Variants in SLITRK5 observed in about 807,000 individuals in gnomAD.
The protein encoded by SLITRK5 is SLIT and NTRK like family member 5, also known as SLIT and NTRK-like protein 5.
A neutral mutation model predicts 56.2 loss-of-function variants in SLITRK5; 23 were observed. The observed-to-expected ratio is 0.41, with a 90% CI of 0.29 to 0.58. The LOEUF (loss-of-function observed/expected upper bound fraction) is 0.58, where lower values mean the gene tolerates loss of function less well. Ranked by LOEUF, SLITRK5 falls within the 20% of genes least tolerant of loss-of-function variation. The pLI is 0.30. For missense variants in SLITRK5, 1,289 were observed against 1,226.6 expected (o/e 1.05, Z -0.76); for synonymous variants, 637 against 531.8 (o/e 1.20, Z -2.72).
In SLITRK5 at chr13:87,676,066, A is replaced by G; in HGVS notation, c.678A>G (p.Lys226=). ...TGGGGCTCTTGCAGCACATGGATAAAGTTGTGGAGCTACAGCTGGAGGAAA... is the reference window on the plus strand; with the variant it reads ...TGGGGCTCTTGCAGCACATGGATAAGGTTGTGGAGCTACAGCTGGAGGAAA... The part of the protein sequence containing the change: ...PYVGLLQHMD[K]VVELQLEENP... Residue 226 remains lysine (K), a synonymous_variant, in exon 2 of 2, where the codon AAA becomes AAG. Coordinates refer to ENST00000683689, the MANE Select transcript of SLITRK5 (RefSeq NM_001384609.1). 6.2e-7 allele frequency: 1 copy of G among 1,614,110 alleles called. No homozygotes were observed. The highest frequency in any genetic ancestry group is 1.1e-5 in the South Asian group (1 of 91,080).
In SLITRK5 at chr13:87,677,652, C is replaced by A. The variant is rs1475243616; in HGVS notation, c.2264C>A (p.Pro755Gln). The stretch of plus-strand genomic sequence containing the variant: ...CACGTGTATGAATACATCCCCCACC[C>A]ACTGGGCCACATGTGCAAAAACCCC... ...AGHVYEYIPH[P>Q]LGHMCKNPIY... The change falls in exon 2 of 2, where the codon CCA (proline) becomes CAA (glutamine). Residue 755 changes from proline to glutamine, a missense_variant. This residue lies in a region of SLITRK5 where 985 missense variants were observed against 906.0 expected (regional missense o/e 1.09). Coordinates refer to ENST00000683689, the MANE Select transcript of SLITRK5 (RefSeq NM_001384609.1). The surrounding 1 kb of genome is among the most constrained non-coding windows in gnomAD (Gnocchi z 4.7). 6.2e-7 allele frequency: 1 copy of A among 1,607,732 alleles called. No individual in the cohort carries two copies. The highest frequency in any genetic ancestry group is 2.2e-5 in the East Asian group (1 of 44,608).
chr13:87,673,427 T>G (rs1877129343), intron 1 of SLITRK5: 1 of 502,394 alleles, frequency 2.0e-6, no homozygotes, highest in Non-Finnish European at 3.5e-6. Context: ...CGCTGGAGTT[T>G]AATACTGGCT....
chr13:87,672,918 G>A (rs1241432759), intron 1 of SLITRK5: 2 of 153,270 alleles, frequency 1.3e-5, no homozygotes, highest in Admixed American at 6.2e-5. Context: ...TCTATGTGGC[G>A]GGGTGGTTTT....
In SLITRK5 at chr13:87,678,004, T is replaced by C. The variant is rs976404158; in HGVS notation, c.2616T>C (p.Asn872=). 5 of 1,613,942 alleles carry C rather than the reference T, an allele frequency of 3.1e-6. No homozygotes were observed. Among genetic ancestry groups the C allele is most frequent in the South Asian group, 1.1e-5 (1 of 91,086 alleles). Residue 872 remains asparagine, a synonymous_variant, in exon 2 of 2, where the codon AAT becomes AAC. Transcript: ENST00000683689. ...ACTGCTCCACCACCCCCGCCGGCAA[T>C]AGCCTCCCGGAATATCCCAAATTCC... is the stretch of plus-strand genomic sequence containing the variant. ...DKHCSTTPAG[N]SLPEYPKFPC...
At chr13:87,674,021 C>CACACAA (rs1361611274) in intron 1 of SLITRK5, among the ~76,000 whole-genome samples, 3 of 151,910 alleles carry the variant, frequency 2.0e-5, no homozygotes, top group African/African-American at 7.3e-5. Flanking sequence ...CACACACACA[C>CACACAA]ACACACACAC....
At chr13:87,672,616 C>T (rs1313640510) in intron 1 of SLITRK5, 1 of 151,842 alleles carries the variant, frequency 6.6e-6, no homozygotes, top group Non-Finnish European at 1.5e-5. Flanking sequence ...TTGGGGAGCC[C>T]CGGAACCCGC....
In SLITRK5 at chr13:87,678,904, A is replaced by C. The variant is rs1877415600; in HGVS notation, c.*639A>C. 1 of 167,104 alleles carries C rather than the reference A, an allele frequency of 6.0e-6. No homozygotes were observed. Among genetic ancestry groups the C allele is most frequent in the East Asian group, 1.9e-4 (1 of 5,186 alleles). The allele number at this position is 167,104 out of a possible 1,614,324, so 10.4% of individuals were successfully genotyped here. On this transcript the variant is annotated 3_prime_UTR_variant, in exon 2 of 2. Transcript: ENST00000683689. ...CTGTAAAGGATCACCATAGATGTGGACAAATCATTAAAATTACAGAGCTAT... is the reference window on the plus strand; with the variant it reads ...CTGTAAAGGATCACCATAGATGTGGCCAAATCATTAAAATTACAGAGCTAT...
At position 87,671,760 on chromosome 13, in the gene SLITRK5, G is replaced by A. The variant is rs752195135; in HGVS notation, c.-458G>A. Among the ~76,000 whole-genome samples the A allele has an allele frequency of 6.0e-4, 91 of 152,258 alleles. No individual in the cohort carries two copies. The highest frequency in any genetic ancestry group is 8.2e-4 in the Non-Finnish European group (56 of 68,024). ...ACCGTGAGGATGAAACTGCCAAAGG[G>A]ATGCAAGAGCCTCTCAAATACTAAT... On this transcript the variant is annotated 5_prime_UTR_variant, in exon 1 of 2. Transcript: ENST00000683689.
intron 1 of SLITRK5, chr13:87,674,415 G>A: frequency 2.0e-6 from 2 of 985,232 alleles, no homozygotes; most frequent in Non-Finnish European, 2.4e-6. Context: ...GGTAAGGGAG[G>A]CTTTCGTGCT....
rs1013774722 is a variant in SLITRK5, at chr13:87,677,347, C to T, written c.1959C>T (p.Gly653=). 1.9e-6 allele frequency: 3 copies of T among 1,614,106 alleles called. No individual in the cohort carries two copies. The highest frequency in any genetic ancestry group is 1.7e-5 in the Admixed American group (1 of 60,030). Residue 653 remains glycine (G), a synonymous_variant, in exon 2 of 2, where the codon GGC becomes GGT. Coordinates refer to ENST00000683689, the MANE Select transcript of SLITRK5 (RefSeq NM_001384609.1). The surrounding 1 kb of genome is among the most constrained non-coding windows in gnomAD (Gnocchi z 4.7). Reference sequence around the variant, plus strand: ...GCACCGGGGCCCCCGCGAGCTTGGGCGCAGGCGGAGGGGCGTCGTCGGTGC... The same window carrying T: ...GCACCGGGGCCCCCGCGAGCTTGGGTGCAGGCGGAGGGGCGTCGTCGGTGC... ...LNSTGAPASL[G]AGGGASSVPL...
At chr13:87,672,854 GGTGTGT>G (rs67126449) in intron 1 of SLITRK5, 17,913 of 127,752 alleles carry the variant, frequency 0.14, 1,173 homozygotes, top group Middle Eastern at 0.16. Context: ...TTGCAAAAGA[GGTGTGT>G]GTGTGTGTGT....
chr13:87,673,512 AGG>A, intron 1 of SLITRK5: 1 of 1,112,242 alleles, frequency 9.0e-7, no homozygotes, highest in Non-Finnish European at 1.2e-6. Flanking sequence ...AGGGAGGGGG[AGG>A]GGACCCAACC....
chr13:87,673,202 A>G (rs1421187976), intron 1 of SLITRK5, among the ~76,000 whole-genome samples: 5 of 126,222 alleles, frequency 4.0e-5, no homozygotes, highest in African/African-American at 1.6e-4. Context: ...GCCCTCCAGG[A>G]AAAAAAAAAA....
In SLITRK5 at chr13:87,675,320, G is replaced by A. The variant is rs982596791; in HGVS notation, c.-8-61G>A. 13 of 1,225,354 alleles carry A rather than the reference G, an allele frequency of 1.1e-5. No individual in the cohort carries two copies. The African/African-American group carries it at 1.8e-4, about 17-fold the overall frequency. The allele number at this position is 1,225,354 out of a possible 1,614,324, so 75.9% of individuals were successfully genotyped here. A position where few individuals can be genotyped will look rare whatever the true frequency, so the allele number is the denominator to read the frequency against. On this transcript the variant is annotated intron_variant, in intron 1 of 1. Transcript: ENST00000683689. ...ATGTTAAGAAAGAGAGAGACTTTCT[G>A]ACTGATCCCTTAAATTTTTGTCATA...
At chr13:87,673,709 G>A (rs1278740165) in intron 1 of SLITRK5, 1 of 445,260 alleles carries the variant, frequency 2.2e-6, no homozygotes, top group Non-Finnish European at 4.5e-6. Flanking sequence ...CGACACGTCT[G>A]GGTGGCCACA....
chr13:87,677,706 T>G lies in SLITRK5; in HGVS notation c.2318T>G (p.Val773Gly), dbSNP rs1486308186. 6.2e-6 allele frequency: 10 copies of G among 1,610,414 alleles called. No homozygotes were observed. The highest frequency in any genetic ancestry group is 7.6e-6 in the Non-Finnish European group (9 of 1,177,506). Residue 773 changes from valine (V) to glycine (G), a missense_variant, in exon 2 of 2, where the codon GTA becomes GGA. By Grantham distance (109) the Val-to-Gly change is moderately radical. Transcript: ENST00000683689. This position sits in a 1 kb window ranked among gnomAD's most constrained non-coding sequence, Gnocchi z 4.7. ...TACCGCTCCCGAGAGGGCAACTCCG[T>G]AGAGGATTACAAAGACCTGCACGAG... ...PIYRSREGNS[V>G]EDYKDLHELK...
In SLITRK5 at chr13:87,675,565, C is replaced by A. The variant is rs748789851; in HGVS notation, c.177C>A (p.Gly59=). 1.4e-5 allele frequency: 23 copies of A among 1,614,030 alleles called. No individual in the cohort carries two copies. In the South Asian group the frequency reaches 2.5e-4, roughly 18 times the overall value. ...CATGTCCTTGTGAGGAAAAGGACGG[C>A]ATTTTAACTGTGAGCTGTGAAAACC... ...DNACPCEEKD[G]ILTVSCENRG... Residue 59 remains glycine (G), a synonymous_variant, in exon 2 of 2, where the codon GGC becomes GGA. Coordinates refer to ENST00000683689, the MANE Select transcript of SLITRK5 (RefSeq NM_001384609.1).
In SLITRK5 at chr13:87,675,523, G is replaced by A. The variant is rs1035184531; in HGVS notation, c.135G>A (p.Gly45=). The change falls in exon 2 of 2, where the codon GGG becomes GGA. Residue 45 remains glycine (G), a synonymous_variant. Transcript: ENST00000683689. ...LSCAETIDYY[G]EICDNACPCE... ...GTGCAGAAACCATCGATTATTATGGGGAAATCTGTGACAATGCATGTCCTT... is the reference window on the plus strand; with the variant it reads ...GTGCAGAAACCATCGATTATTATGGAGAAATCTGTGACAATGCATGTCCTT... 1.2e-6 allele frequency: 2 copies of A among 1,614,022 alleles called. No homozygotes were observed. The highest frequency in any genetic ancestry group is 1.7e-6 in the Non-Finnish European group (2 of 1,180,036).
chr13:87,675,715 T>C lies in SLITRK5; in HGVS notation c.327T>C (p.Ile109=), dbSNP rs2044715133. 1.2e-6 allele frequency: 2 copies of C among 1,614,012 alleles called. No individual in the cohort carries two copies. Among genetic ancestry groups the C allele is most frequent in the Non-Finnish European group, 1.7e-6 (2 of 1,180,028 alleles). Residue 109 remains isoleucine (I), a synonymous_variant, in exon 2 of 2, where the codon ATT becomes ATC. Transcript: ENST00000683689. ...NEFVNYTGAS[I]LHLGSNVIQD... ...TTGTCAATTACACTGGGGCTTCAAT[T>C]TTGCATCTAGGTAGCAATGTTATCC...
Sources: allele counts gnomAD v4.1 joint callset (sites outside exome capture counted in the v4.1 genomes callset), GRCh38; gene constraint gnomAD v4.1.1; regional missense constraint gnomAD v4.1.1; non-coding constraint Gnocchi (gnomAD v3.1); transcripts MANE v1.5; gene names NCBI Gene and HGNC (gene_info 2026-07-23, HGNC 2026-07-21).